The following TENM3 variants were observed in gnomAD, a reference collection of about 807,000 sequenced individuals.
The protein encoded by TENM3 is teneurin transmembrane protein 3, also known as teneurin-3.
Under a neutral mutation model 255.1 loss-of-function variants are expected in TENM3, and 63 were observed. The observed-to-expected ratio is 0.25, with a 90% confidence interval of 0.20 to 0.30. The LOEUF (loss-of-function observed/expected upper bound fraction) is 0.30. TENM3 is among the 10% of genes least tolerant of loss of function. The pLI is 1.00. For missense variants in TENM3, 2,929 were observed against 3,461.1 expected (o/e 0.85, Z 3.86); for synonymous variants, 1,306 against 1,322.3 (o/e 0.99, Z 0.27).
chr4:182,623,227 A>G (rs532307140), intron 4 of TENM3, among the ~76,000 whole-genome samples: 2 of 151,556 alleles, frequency 1.3e-5, no homozygotes, highest in Admixed American at 6.6e-5. Context: ...ATTAGCCAAG[A>G]TGGTCTCGAT....
chr4:182,217,637 A>G (rs1387962695), intron 1 of TENM3, among the ~76,000 whole-genome samples: 1 of 152,138 alleles, frequency 6.6e-6, no homozygotes, highest in East Asian at 1.9e-4. Flanking sequence ...GAGGAATCTG[A>G]GGCCTGGAGA....
chr4:182,769,830 C>T lies in TENM3; in HGVS notation c.4893-3642C>T, dbSNP rs190315524. 2.3e-3 allele frequency among the ~76,000 whole-genome samples: 355 copies of T among 151,976 alleles called. 1 individual carries two copies. The highest frequency in any genetic ancestry group is 8.1e-3 in the African/African-American group (336 of 41,452). ...ATAAAGAACAGTCCTTTTGGCCGGG[C>T]GTGGTGGCTCACTCCTGTAATCTCA... is the stretch of plus-strand genomic sequence containing the variant. On this transcript the variant is annotated intron_variant, in intron 22 of 27. Coordinates refer to ENST00000511685, the MANE Select transcript of TENM3 (RefSeq NM_001080477.4).
the TENM3 span, among the ~76,000 whole-genome samples, chr4:181,832,268 A>C: frequency 6.6e-6 from 1 of 152,182 alleles, no homozygotes; most frequent in Non-Finnish European, 1.5e-5. Flanking sequence ...AAAGACCTGA[A>C]ACAATGAAAT....
chr4:182,657,085 G>A (rs1022524904), intron 6 of TENM3, among the ~76,000 whole-genome samples: 7 of 152,188 alleles, frequency 4.6e-5, no homozygotes, highest in African/African-American at 1.7e-4. Flanking sequence ...TTAGCCTAAT[G>A]TACTGGAAAG....
the TENM3 span, among the ~76,000 whole-genome samples, chr4:182,116,673 G>A: frequency 2.6e-5 from 4 of 152,150 alleles, no homozygotes; most frequent in African/African-American, 9.7e-5. Context: ...CCAGTCTCAA[G>A]TATTTCTTCA....
intron 3 of TENM3, among the ~76,000 whole-genome samples, chr4:182,462,886 CAAAAA>C (rs58892277): frequency 6.7e-6 from 1 of 148,382 alleles, no homozygotes; most frequent in Non-Finnish European, 1.5e-5. Context: ...GACTCCATCT[CAAAAA>C]AAAAAGGAAA....
chr4:181,669,469 T>C, the TENM3 span, among the ~76,000 whole-genome samples: 27 of 152,142 alleles, frequency 1.8e-4, 1 homozygote, highest in Non-Finnish European at 2.8e-4. Flanking sequence ...TATACCCCCA[T>C]GTCATACAGC....
chr4:181,919,972 G>C, the TENM3 span, among the ~76,000 whole-genome samples: 1 of 146,192 alleles, frequency 6.8e-6, no homozygotes, highest in Admixed American at 7.2e-5. Context: ...CTATGAGTGA[G>C]AATATGCAGT....
intron 22 of TENM3, among the ~76,000 whole-genome samples, chr4:182,763,566 G>C (rs896194526): frequency 1.4e-5 from 2 of 148,074 alleles, no homozygotes; most frequent in Non-Finnish European, 3.0e-5. Context: ...AAAAAAAAAA[G>C]AAACGATGGA....
the TENM3 span, among the ~76,000 whole-genome samples, chr4:181,641,576 A>ATATATATG: frequency 2.5e-5 from 2 of 81,584 alleles, no homozygotes; most frequent in African/African-American, 8.8e-5. Context: ...ATATATATAT[A>ATATATATG]TATATATATA....
intron 1 of TENM3, among the ~76,000 whole-genome samples, chr4:182,251,155 A>T (rs2150116323): frequency 6.6e-6 from 1 of 152,276 alleles, no homozygotes; most frequent in Non-Finnish European, 1.5e-5. Context: ...TGGGAACTGA[A>T]AAAAACCTTT....
intron 1 of TENM3, among the ~76,000 whole-genome samples, chr4:182,257,246 T>C (rs990403712): frequency 2.6e-5 from 4 of 152,202 alleles, no homozygotes; most frequent in Admixed American, 2.0e-4. Flanking sequence ...AGACCACCCA[T>C]TGAGAACCTC....
At chr4:181,986,733 T>C in the TENM3 span, among the ~76,000 whole-genome samples, 1 of 152,098 alleles carries the variant, frequency 6.6e-6, no homozygotes, top group African/African-American at 2.4e-5. Flanking sequence ...TCCCTCAGTA[T>C]GCTTTCTTAG....
intron 1 of TENM3, among the ~76,000 whole-genome samples, chr4:182,253,625 C>T (rs930432091): frequency 6.6e-6 from 1 of 152,158 alleles, no homozygotes; most frequent in Non-Finnish European, 1.5e-5. Context: ...TTTTGAGCTT[C>T]TCCTTGTAAT....
At chr4:182,237,963 G>T (rs141250264) in intron 1 of TENM3, among the ~76,000 whole-genome samples, 1 of 152,268 alleles carries the variant, frequency 6.6e-6, no homozygotes, top group Non-Finnish European at 1.5e-5. Context: ...GCCAAGAAAT[G>T]GCAAATATGT....
chr4:181,643,417 A>G, the TENM3 span, among the ~76,000 whole-genome samples: 1 of 152,228 alleles, frequency 6.6e-6, no homozygotes, highest in African/African-American at 2.4e-5. Flanking sequence ...TTCTAAATAT[A>G]CAATCATGTC....
At chr4:181,450,035 A>G in the TENM3 span, among the ~76,000 whole-genome samples, 1 of 152,278 alleles carries the variant, frequency 6.6e-6, no homozygotes, top group African/African-American at 2.4e-5. Flanking sequence ...CTACTATTTA[A>G]TATGTAGGAG....
chr4:182,094,162 G>A, the TENM3 span, among the ~76,000 whole-genome samples: 1 of 152,046 alleles, frequency 6.6e-6, no homozygotes, highest in Admixed American at 6.6e-5. Flanking sequence ...AGAGCAAGCT[G>A]CCATACTCAT....
At chr4:182,222,551 AGT>A (rs1755907499) in intron 1 of TENM3, among the ~76,000 whole-genome samples, 1 of 152,220 alleles carries the variant, frequency 6.6e-6, no homozygotes, top group South Asian at 2.1e-4. Context: ...GTGAACACAG[AGT>A]ACAGGAGATG....
Sources: gnomAD v4.1 joint callset for allele counts (sites outside exome capture counted in the v4.1 genomes callset) on GRCh38, gnomAD v4.1.1 for gene constraint, MANE v1.5 for transcripts, NCBI Gene and HGNC (gene_info 2026-07-23, HGNC 2026-07-21) for gene names.